The following KAT6A variants were observed in gnomAD, a reference collection of about 807,000 sequenced individuals.
The protein encoded by KAT6A is lysine acetyltransferase 6A, also known as histone acetyltransferase KAT6A.
Under a neutral mutation model 198.4 loss-of-function variants are expected in KAT6A, and 9 were observed. The ratio of observed to expected loss-of-function variants is 0.05; its 90% CI spans 0.03 to 0.08. The LOEUF is 0.08. Ranked by LOEUF, KAT6A falls within the 10% of genes least tolerant of loss-of-function variation. The probability of loss-of-function intolerance (pLI) is 1.00; values close to 1 mark genes in which losing one functional copy is unlikely to be tolerated. For synonymous variants in KAT6A, 890 were observed against 883.0 expected (o/e 1.01, Z -0.14); for missense variants, 2,077 against 2,509.9 (o/e 0.83, Z 3.69).
chr8:42,020,050 T>C (rs1297684125), intron 2 of KAT6A, among the ~76,000 whole-genome samples: 2 of 152,174 alleles, frequency 1.3e-5, no homozygotes, highest in Non-Finnish European at 2.9e-5. Context: ...ATCAATGTAA[T>C]TACCTTCTTT....
intron 2 of KAT6A, among the ~76,000 whole-genome samples, chr8:42,001,868 T>C (rs1825508934): frequency 6.6e-6 from 1 of 152,232 alleles, no homozygotes; most frequent in South Asian, 2.1e-4. Flanking sequence ...CTTAGAGTTC[T>C]AGGTCTCCTA....
At chr8:42,006,648 C>A (rs1047502075) in intron 2 of KAT6A, among the ~76,000 whole-genome samples, 5 of 152,070 alleles carry the variant, frequency 3.3e-5, no homozygotes, top group African/African-American at 1.2e-4. Context: ...GGATGCTCAA[C>A]CTGTACTAGC....
intron 2 of KAT6A, 81 bp downstream of exon 2, chr8:42,048,297 G>C: frequency 6.7e-7 from 1 of 1,503,126 alleles, no homozygotes; most frequent in Non-Finnish European, 9.0e-7. Flanking sequence ...CAAAAAACTT[G>C]AATATAACTT....
intron 2 of KAT6A, among the ~76,000 whole-genome samples, chr8:42,018,992 C>T (rs954349974): frequency 5.3e-5 from 8 of 152,056 alleles, no homozygotes; most frequent in African/African-American, 1.9e-4. Flanking sequence ...TAAACTGAAA[C>T]GGATGAATTT....
At chr8:41,999,654 C>CT (rs1414723764) in intron 2 of KAT6A, among the ~76,000 whole-genome samples, 2 of 152,208 alleles carry the variant, frequency 1.3e-5, no homozygotes, top group African/African-American at 4.8e-5. Flanking sequence ...CTTTCTCACT[C>CT]TATCTTCCTC....
At chr8:42,036,569 C>T (rs1323083565) in intron 2 of KAT6A, among the ~76,000 whole-genome samples, 1 of 151,874 alleles carries the variant, frequency 6.6e-6, no homozygotes, top group African/African-American at 2.4e-5. Flanking sequence ...GCAGAGATCG[C>T]ACCACTGCAC....
chr8:42,036,872 G>A (rs1827403778), intron 2 of KAT6A, among the ~76,000 whole-genome samples: 1 of 152,192 alleles, frequency 6.6e-6, no homozygotes, highest in Admixed American at 6.5e-5. Context: ...AAAACAGAAT[G>A]TACATTTCCA....
At chr8:41,943,060 T>G in intron 13 of KAT6A, 60 bp from the exon 14 acceptor site, 4 of 1,600,440 alleles carry the variant, frequency 2.5e-6, no homozygotes, top group South Asian at 2.2e-5. Context: ...TAAAAATGAA[T>G]GTGGAGATGA....
intron 2 of KAT6A, among the ~76,000 whole-genome samples, chr8:41,989,528 A>AACGTGACGTG (rs59726289): frequency 0.028 from 4,204 of 149,586 alleles, 73 homozygotes; most frequent in African/African-American, 0.046. Context: ...AACATAACGT[A>AACGTGACGTG]ACGTGACGTG....
intron 8 of KAT6A, among the ~76,000 whole-genome samples, chr8:41,964,741 A>G (rs1280231599): frequency 6.6e-6 from 1 of 152,146 alleles, no homozygotes; most frequent in Non-Finnish European, 1.5e-5. Flanking sequence ...CATACCCATG[A>G]TATTTAATTT....
intron 2 of KAT6A, among the ~76,000 whole-genome samples, chr8:42,045,629 T>C (rs1291161289): frequency 6.6e-6 from 1 of 151,978 alleles, no homozygotes; most frequent in Non-Finnish European, 1.5e-5. Flanking sequence ...CATTTCTTTT[T>C]CATTTTTTCA....
chr8:41,985,100 CACA>C (rs1057030845), intron 3 of KAT6A, among the ~76,000 whole-genome samples: 1 of 152,066 alleles, frequency 6.6e-6, no homozygotes, highest in African/African-American at 2.4e-5. Flanking sequence ...GGGCTGCAGA[CACA>C]ACACTTCCTC....
intron 4 of KAT6A, 147 bp downstream of exon 4, chr8:41,981,692 T>C: frequency 5.0e-6 from 3 of 597,878 alleles, no homozygotes; most frequent in Non-Finnish European, 9.1e-6. Context: ...TCTAAACTAA[T>C]GACATGTAGT....
chr8:42,029,315 T>TA (rs1249431514), intron 2 of KAT6A, among the ~76,000 whole-genome samples: 3 of 152,200 alleles, frequency 2.0e-5, no homozygotes, highest in Admixed American at 6.5e-5. Context: ...TGTATGTCTG[T>TA]ATCTTTTGTA....
chr8:42,050,421 T>C (rs185080757), intron 1 of KAT6A, among the ~76,000 whole-genome samples: 27 of 152,350 alleles, frequency 1.8e-4, no homozygotes, highest in Non-Finnish European at 1.6e-4. Flanking sequence ...TGGAGATCAT[T>C]TGCATTACAA....
intron 2 of KAT6A, among the ~76,000 whole-genome samples, chr8:42,046,768 T>C: frequency 6.6e-6 from 1 of 151,818 alleles, no homozygotes; most frequent in Middle Eastern, 3.4e-3. Context: ...AGCATTTTAA[T>C]TACTTGTCTA....
At chr8:42,027,671 TTCTC>T (rs1400789983) in intron 2 of KAT6A, among the ~76,000 whole-genome samples, 1 of 152,176 alleles carries the variant, frequency 6.6e-6, no homozygotes, top group Non-Finnish European at 1.5e-5. Context: ...TATTTGGGTC[TTCTC>T]TCTTTTTTCT....
intron 10 of KAT6A, among the ~76,000 whole-genome samples, chr8:41,948,782 T>A (rs1176033672): frequency 2.8e-5 from 2 of 72,192 alleles, no homozygotes; most frequent in Non-Finnish European, 4.7e-5. Flanking sequence ...GAAATTTTAC[T>A]GTTACAGTAA....
intron 2 of KAT6A, among the ~76,000 whole-genome samples, chr8:42,013,875 G>C (rs1480845085): frequency 6.6e-6 from 1 of 152,150 alleles, no homozygotes; most frequent in Non-Finnish European, 1.5e-5. Flanking sequence ...CAACAGAGCA[G>C]GGTTTGGCAA....
Sources: gnomAD v4.1 joint callset for allele counts (sites outside exome capture counted in the v4.1 genomes callset) on GRCh38, gnomAD v4.1.1 for gene constraint, MANE v1.5 for transcripts, NCBI Gene and HGNC (gene_info 2026-07-23, HGNC 2026-07-21) for gene names.